RAB11A: variants seen among roughly 807,000 people sequenced by gnomAD.
RAB11A encodes ras-related protein Rab-11A.
RAB11A carries 9 observed loss-of-function variants against 28.0 expected under a neutral mutation model. The observed-to-expected ratio is 0.32, with a 90% CI of 0.19 to 0.56. The LOEUF is 0.56. Among genes scored for constraint, RAB11A ranks in the 20% least tolerant of loss-of-function variants. The pLI is 0.91. For synonymous variants in RAB11A, 85 were observed against 88.2 expected, an observed-to-expected ratio of 0.96 and a Z score of 0.20; for missense variants, 108 against 269.6, an observed-to-expected ratio of 0.40 and a Z score of 4.20.
intron 4 of RAB11A, among the ~76,000 whole-genome samples, chr15:65,880,145 T>A (rs2078213664): frequency 6.6e-6 from 1 of 152,204 alleles, no homozygotes. Flanking sequence ...AAAACATTTT[T>A]AAAAATTATA....
At chr15:65,872,889 TAC>T (rs1375370714) in intron 1 of RAB11A, among the ~76,000 whole-genome samples, 1 of 152,252 alleles carries the variant, frequency 6.6e-6, no homozygotes, top group Non-Finnish European at 1.5e-5. Context: ...GGCTTTATTG[TAC>T]AGAGATTTAT....
intron 4 of RAB11A, 88 bp downstream of exon 4, chr15:65,879,839 A>C: frequency 4.0e-6 from 4 of 1,012,124 alleles, no homozygotes; most frequent in Non-Finnish European, 1.5e-6. Context: ...TAAACTATAT[A>C]TCAGCCGAGA....
At chr15:65,885,024 A>G (rs1226792994) in intron 4 of RAB11A, among the ~76,000 whole-genome samples, 1 of 143,952 alleles carries the variant, frequency 6.9e-6, no homozygotes, top group Non-Finnish European at 1.5e-5. Context: ...GCAGTGGTGC[A>G]GTCTCAACCT....
rs2078276589 is a variant in RAB11A at position 65,889,734 on chromosome 15, A to G, written c.*1894A>G. On this transcript the variant is annotated 3_prime_UTR_variant, in exon 5 of 5. Transcript: ENST00000261890. ...CTATTTTATTGAAAGTTGGTGGTAG[A>G]TTTTTTACAAAGTAAGGAGAAAAGA... 1 of 152,236 alleles carries G rather than the reference A, an allele frequency of 6.6e-6. No homozygotes were observed. Among genetic ancestry groups the G allele is most frequent in the African/African-American group, 2.4e-5 (1 of 41,466 alleles). 9.4% of individuals were successfully genotyped at this position (152,236 alleles called of 1,614,324 possible). A position where few individuals can be genotyped will look rare whatever the true frequency, so the allele number is the denominator to read the frequency against.
At chr15:65,884,151 T>C (rs548005986) in intron 4 of RAB11A, among the ~76,000 whole-genome samples, 120 of 149,364 alleles carry the variant, frequency 8.0e-4, no homozygotes, top group African/African-American at 2.9e-3. Context: ...AAAATTAAAA[T>C]TAAAAAAAAA....
chr15:65,885,226 G>A (rs2078249153), intron 4 of RAB11A, among the ~76,000 whole-genome samples: 1 of 149,624 alleles, frequency 6.7e-6, no homozygotes, highest in South Asian at 2.1e-4. Flanking sequence ...CGGGACAAGC[G>A]ATTCTCCTGC....
chr15:65,876,133 C>T lies in RAB11A; in HGVS notation c.41-1199C>T, dbSNP rs527344772. On this transcript the variant is annotated intron_variant, in intron 1 of 4. Transcript: ENST00000261890. ...CTCCATTGTTTTTGAAATTCTTAAG[C>T]GTAATACCACTTTGAGTGAAAAAGA... Among the ~76,000 whole-genome samples, 224 of 152,084 alleles carry T rather than the reference C, an allele frequency of 1.5e-3. 1 individual carries two copies. The highest frequency in any genetic ancestry group is 2.4e-3 in the Non-Finnish European group (164 of 67,988).
chr15:65,869,701 G>A, intron 1 of RAB11A, 76 bp downstream of exon 1: 1 of 1,495,868 alleles, frequency 6.7e-7, no homozygotes, highest in Non-Finnish European at 9.2e-7. Flanking sequence ...CCCTCGTGCC[G>A]GCCACCCCTG....
chr15:65,871,783 G>C (rs1250235456), intron 1 of RAB11A, among the ~76,000 whole-genome samples: 1 of 151,898 alleles, frequency 6.6e-6, no homozygotes, highest in Non-Finnish European at 1.5e-5. Flanking sequence ...CTGAGTCTCA[G>C]TTCTCTACTT....
rs1305909474 is a variant in RAB11A, at chr15:65,890,738, TAGAGA to T, written c.*2902_*2906del. ...TTGTGATAATCTCTTCCATCTACCT[TAGAGA>T]AGAAGCTGTACTATTTAGACAGTTT... is the stretch of plus-strand genomic sequence containing the variant. On this transcript the variant is annotated 3_prime_UTR_variant, in exon 5 of 5. Transcript: ENST00000261890. 6.6e-6 allele frequency: 1 copy of T among 152,188 alleles called. No homozygotes were observed. Among genetic ancestry groups the T allele is most frequent in the Non-Finnish European group, 1.5e-5 (1 of 68,022 alleles). 9.4% of individuals were successfully genotyped at this position (152,188 alleles called of 1,614,324 possible).
intron 3 of RAB11A, among the ~76,000 whole-genome samples, chr15:65,878,703 A>G (rs375027552): frequency 6.6e-6 from 1 of 152,130 alleles, no homozygotes; most frequent in Admixed American, 6.5e-5. Flanking sequence ...AACAAACAAA[A>G]AAAGAGAGAA....
intron 3 of RAB11A, among the ~76,000 whole-genome samples, chr15:65,878,827 A>T (rs1420237923): frequency 6.6e-6 from 1 of 152,264 alleles, no homozygotes; most frequent in African/African-American, 2.4e-5. Context: ...CATACGGAAT[A>T]CTATAGCCAA....
chr15:65,875,469 A>G (rs755573027), intron 1 of RAB11A, among the ~76,000 whole-genome samples: 3 of 152,344 alleles, frequency 2.0e-5, no homozygotes, highest in Non-Finnish European at 4.4e-5. Context: ...TAACCATCCT[A>G]TAAAATTGAA....
At chr15:65,880,909 G>T (rs1036655491) in intron 4 of RAB11A, among the ~76,000 whole-genome samples, 3 of 152,050 alleles carry the variant, frequency 2.0e-5, no homozygotes, top group Non-Finnish European at 2.9e-5. Flanking sequence ...TGACCTAAAG[G>T]TTTTTTGTCT....
At chr15:65,873,221 G>T (rs1033562719) in intron 1 of RAB11A, among the ~76,000 whole-genome samples, 1 of 152,134 alleles carries the variant, frequency 6.6e-6, no homozygotes. Context: ...CGAACAATGT[G>T]GTTAAGGCCC....
intron 4 of RAB11A, among the ~76,000 whole-genome samples, chr15:65,880,358 T>G (rs2078214943): frequency 6.6e-6 from 1 of 152,224 alleles, no homozygotes; most frequent in Non-Finnish European, 1.5e-5. Flanking sequence ...AAGTGTTCAC[T>G]CATATTTATC....
chr15:65,874,876 A>G (rs1339110157), intron 1 of RAB11A, among the ~76,000 whole-genome samples: 1 of 151,934 alleles, frequency 6.6e-6, no homozygotes, highest in Non-Finnish European at 1.5e-5. Flanking sequence ...GCAAAACCCC[A>G]TCTCTACAGA....
intron 1 of RAB11A, chr15:65,870,078 C>G (rs1229084067): frequency 6.4e-6 from 1 of 156,610 alleles, no homozygotes; most frequent in Non-Finnish European, 1.4e-5. Context: ...TGCAGACTCC[C>G]ATTACAGGTC....
chr15:65,877,723 C>A lies in RAB11A; in HGVS notation c.237-39C>A. 1 of 1,492,476 alleles carries A rather than the reference C, an allele frequency of 6.7e-7. No individual in the cohort carries two copies. The highest frequency in any genetic ancestry group is 9.1e-7 in the Non-Finnish European group (1 of 1,095,928). 92.5% of individuals were successfully genotyped at this position (1,492,476 alleles called of 1,614,324 possible). On this transcript the variant is annotated intron_variant, in intron 2 of 4. Coordinates refer to ENST00000261890, the MANE Select transcript of RAB11A (RefSeq NM_004663.5). This position sits in a 1 kb window ranked among gnomAD's most constrained non-coding sequence, Gnocchi z 4.1. ...AGTTCTTCCTGGTGTTTGCTTCCAT[C>A]TTGTGGTTTTCTGATACTAAATATG...
Sources: allele counts gnomAD v4.1 joint callset (sites outside exome capture counted in the v4.1 genomes callset), GRCh38; gene constraint gnomAD v4.1.1; non-coding constraint Gnocchi (gnomAD v3.1); transcripts MANE v1.5; gene names NCBI Gene and HGNC (gene_info 2026-07-23, HGNC 2026-07-21).